The following PRELID2 variants were observed in gnomAD, a reference collection of about 807,000 sequenced individuals.
The protein encoded by PRELID2 is PRELI domain-containing protein 2.
Under a neutral mutation model 28.4 loss-of-function variants are expected in PRELID2, and 25 were observed. The ratio of observed to expected loss-of-function variants is 0.88; its 90% confidence interval spans 0.64 to 1.23. PRELID2 has a LOEUF of 1.23. Among genes scored for constraint, PRELID2 ranks in the 50% most tolerant of loss-of-function variants. The pLI is 0.00. For synonymous variants in PRELID2, 76 were observed against 71.6 expected, an observed-to-expected ratio of 1.06 and a Z score of -0.31; for missense variants, 201 against 214.4, an observed-to-expected ratio of 0.94 and a Z score of 0.39.
intron 1 of PRELID2, among the ~76,000 whole-genome samples, chr5:145,552,268 C>T (rs1752842388): frequency 6.6e-6 from 1 of 152,082 alleles, no homozygotes; most frequent in Non-Finnish European, 1.5e-5. Flanking sequence ...CATCCATGTG[C>T]TCTTTGCTTG....
chr5:145,442,376 A>C, the PRELID2 span, among the ~76,000 whole-genome samples: 4 of 152,044 alleles, frequency 2.6e-5, no homozygotes, highest in Non-Finnish European at 5.9e-5. Flanking sequence ...AGCAAGCTTG[A>C]TCCAGGGGCT....
At chr5:145,302,888 T>C in the PRELID2 span, among the ~76,000 whole-genome samples, 1 of 152,196 alleles carries the variant, frequency 6.6e-6, no homozygotes, top group Non-Finnish European at 1.5e-5. Context: ...ACCACTAGCT[T>C]GTTTGTTTGT....
chr5:145,533,958 GC>G (rs1447124799), intron 1 of PRELID2, among the ~76,000 whole-genome samples: 2 of 152,030 alleles, frequency 1.3e-5, no homozygotes, highest in African/African-American at 4.8e-5. Flanking sequence ...AAACTTATCA[GC>G]CACAGAAGTA....
intron 1 of PRELID2, among the ~76,000 whole-genome samples, chr5:145,694,926 T>G (rs1238325023): frequency 2.0e-5 from 3 of 152,106 alleles, no homozygotes; most frequent in African/African-American, 7.2e-5. Context: ...ACGCCAGAAC[T>G]GATGAAAAGC....
the PRELID2 span, among the ~76,000 whole-genome samples, chr5:145,394,548 G>A: frequency 6.6e-6 from 1 of 151,944 alleles, no homozygotes; most frequent in Non-Finnish European, 1.5e-5. Context: ...AAACCTGCAT[G>A]TTATGCACAT....
the PRELID2 span, among the ~76,000 whole-genome samples, chr5:145,246,770 A>G: frequency 1.3e-5 from 2 of 151,276 alleles, no homozygotes; most frequent in African/African-American, 4.9e-5. Flanking sequence ...GATGAAACCT[A>G]ACCAACTCCA....
chr5:145,755,382 C>T (rs544048407), downstream of PRELID2, among the ~76,000 whole-genome samples: 129 of 152,320 alleles, frequency 8.5e-4, 1 homozygote, highest in African/African-American at 3.0e-3. Context: ...CTGCTCATTC[C>T]TCTCATTAAA....
At chr5:145,426,524 C>T in the PRELID2 span, among the ~76,000 whole-genome samples, 8 of 152,066 alleles carry the variant, frequency 5.3e-5, no homozygotes, top group Admixed American at 1.3e-4. Flanking sequence ...ATTTCTTTAC[C>T]AAGTATAATA....
the PRELID2 span, among the ~76,000 whole-genome samples, chr5:145,386,971 C>G: frequency 6.6e-6 from 1 of 152,150 alleles, no homozygotes; most frequent in Non-Finnish European, 1.5e-5. Context: ...CCACTTTATC[C>G]TAAGTGATAA....
At chr5:145,503,932 T>C (rs1276544263) in intron 1 of PRELID2, among the ~76,000 whole-genome samples, 1 of 152,178 alleles carries the variant, frequency 6.6e-6, no homozygotes, top group Non-Finnish European at 1.5e-5. Flanking sequence ...CAGCACATTG[T>C]GAAAAGTAAG....
At chr5:145,511,910 T>C (rs1752464502) in intron 1 of PRELID2, among the ~76,000 whole-genome samples, 1 of 152,168 alleles carries the variant, frequency 6.6e-6, no homozygotes, top group African/African-American at 2.4e-5. Context: ...TAGCTTGGAC[T>C]GGGGCTAGCA....
intron 1 of PRELID2, among the ~76,000 whole-genome samples, chr5:145,634,013 T>C (rs902549615): frequency 1.3e-5 from 2 of 152,156 alleles, no homozygotes; most frequent in Non-Finnish European, 2.9e-5. Flanking sequence ...TAACATGATA[T>C]AAGCCCCATG....
rs192987902 is a variant in PRELID2 at position 145,641,576 on chromosome 5, T to A, written n.70+123355A>T. Among the ~76,000 whole-genome samples the A allele has an allele frequency of 2.5e-4, 38 of 152,370 alleles. No individual in the cohort carries two copies. The Middle Eastern group carries it at 0.014, about 55-fold the overall frequency. On this transcript the variant is annotated intron_variant and non_coding_transcript_variant, in intron 1 of 2. Coordinates refer to the PRELID2 transcript ENST00000510259. ...GTGCAGAACATGCAGTTTTGTTACA[T>A]AGGTATACACTTGCCATGGTGGTTT... is the stretch of plus-strand genomic sequence containing the variant.
intron 1 of PRELID2, among the ~76,000 whole-genome samples, chr5:145,679,093 G>T (rs1196752471): frequency 6.6e-6 from 1 of 152,154 alleles, no homozygotes; most frequent in Non-Finnish European, 1.5e-5. Context: ...TTTGGGAAAG[G>T]CTCTCTGGAC....
At chr5:145,701,912 G>T (rs555598994) in intron 1 of PRELID2, among the ~76,000 whole-genome samples, 1 of 152,050 alleles carries the variant, frequency 6.6e-6, no homozygotes, top group Non-Finnish European at 1.5e-5. Flanking sequence ...TTAGCCGGGC[G>T]TGGTGGCACA....
intron 1 of PRELID2, among the ~76,000 whole-genome samples, chr5:145,477,599 C>A (rs1366689461): frequency 6.6e-6 from 1 of 152,060 alleles, no homozygotes; most frequent in East Asian, 1.9e-4. Context: ...ACAACATTGA[C>A]TTAAAATGGA....
chr5:145,256,846 G>A, the PRELID2 span, among the ~76,000 whole-genome samples: 101 of 151,896 alleles, frequency 6.6e-4, 1 homozygote, highest in Non-Finnish European at 1.2e-3. Flanking sequence ...TATTTAGAGT[G>A]CTGAAAGAAA....
Position 145,699,566 on chromosome 5 carries a change from T to C in PRELID2, n.70+65365A>G, listed in dbSNP as rs1561548497. ...TGCATCTCTTCCCTGCTCATTGACA[T>C]TGATGAAATAGGAAAACCCTTGCAC... On this transcript the variant is annotated intron_variant and non_coding_transcript_variant, in intron 1 of 2. Coordinates refer to the PRELID2 transcript ENST00000510259. 2.0e-5 allele frequency among the ~76,000 whole-genome samples: 3 copies of C among 152,116 alleles called. No individual in the cohort carries two copies. The South Asian group carries it at 6.2e-4, about 32-fold the overall frequency.
At chr5:145,365,337 C>A in the PRELID2 span, among the ~76,000 whole-genome samples, 825 of 151,902 alleles carry the variant, frequency 5.4e-3, 4 homozygotes, top group Non-Finnish European at 8.2e-3. Context: ...ATTTCATCAT[C>A]CTACAATGCA....
Sources: gnomAD v4.1 joint callset for allele counts (sites outside exome capture counted in the v4.1 genomes callset) on GRCh38, gnomAD v4.1.1 for gene constraint, MANE v1.5 for transcripts, NCBI Gene and HGNC (gene_info 2026-07-23, HGNC 2026-07-21) for gene names.